UBE3B: variants seen among roughly 807,000 people sequenced by gnomAD.
UBE3B encodes ubiquitin protein ligase E3B, also known as ubiquitin-protein ligase E3B.
UBE3B carries 80 observed loss-of-function variants against 132.3 expected under a neutral mutation model. That is an observed-to-expected ratio of 0.60 (90% CI 0.50 to 0.73). The LOEUF (loss-of-function observed/expected upper bound fraction) is 0.73, where lower values mean the gene tolerates loss of function less well. Among genes scored for constraint, UBE3B ranks in the 30% least tolerant of loss-of-function variants. The pLI, the probability that UBE3B is intolerant of heterozygous loss-of-function variation, is 0.00. For synonymous variants in UBE3B, 487 were observed against 520.4 expected (o/e 0.94, Z 0.87); for missense variants, 1,196 against 1,362.5 (o/e 0.88, Z 1.92).
rs942309281 is a variant in UBE3B, at chr12:109,503,174, G to A, written c.1434G>A (p.Arg478=). 6.2e-7 allele frequency: 1 copy of A among 1,614,078 alleles called. No individual in the cohort carries two copies. The highest frequency in any genetic ancestry group is 8.5e-7 in the Non-Finnish European group (1 of 1,179,986). ...CGCTGACAACTCTCACACAGATTCG[G>A]CTGCAGATACTCACAGGTTCGCAGT... ...QTSLTTLTQI[R]LQILTGLTYL... is the part of the protein sequence containing the mutation. Residue 478 remains arginine (R), a synonymous_variant, in exon 14 of 28, where the codon CGG becomes CGA. Coordinates refer to ENST00000342494, the MANE Select transcript of UBE3B (RefSeq NM_130466.4).
the UBE3B span, among the ~76,000 whole-genome samples, chr12:109,547,341 T>G: frequency 6.6e-6 from 1 of 152,354 alleles, no homozygotes; most frequent in South Asian, 2.1e-4. This position sits in a 1 kb window ranked among gnomAD's most constrained non-coding sequence, Gnocchi z 4.1. Flanking sequence ...ATGATCACTC[T>G]TCCCTGGTTG....
intron 2 of UBE3B, among the ~76,000 whole-genome samples, chr12:109,482,776 A>G (rs1049099039): frequency 6.6e-6 from 1 of 152,226 alleles, no homozygotes; most frequent in Non-Finnish European, 1.5e-5. Context: ...CTTAGTATAT[A>G]ATTTAGAGCT....
rs1421376045 is a variant in UBE3B, at chr12:109,522,772, T to C, written c.2365-1206T>C. ...CATCTGAGCCCCTGCCCAAACACCA[T>C]CCAGTCTTCCTTGTGCCCTCCAGTG... On this transcript the variant is annotated intron_variant, in intron 21 of 27. Transcript: ENST00000342494. This position sits in a 1 kb window ranked among gnomAD's most constrained non-coding sequence, Gnocchi z 4.2. 6.6e-6 allele frequency among the ~76,000 whole-genome samples: 1 copy of C among 152,184 alleles called. No homozygotes were observed. Among genetic ancestry groups the C allele is most frequent in the Admixed American group, 6.5e-5 (1 of 15,284 alleles).
At chr12:109,508,936 C>T (rs1018242519) in intron 15 of UBE3B, 4 of 180,336 alleles carry the variant, frequency 2.2e-5, no homozygotes, top group African/African-American at 9.5e-5. Context: ...GACTCTCAGT[C>T]AATGTTCCTT....
intron 7 of UBE3B, among the ~76,000 whole-genome samples, chr12:109,489,550 C>A (rs1011207552): frequency 1.3e-5 from 2 of 152,184 alleles, no homozygotes; most frequent in African/African-American, 4.8e-5. Flanking sequence ...AGTTCTGGGC[C>A]CTGCTGGGAA....
intron 9 of UBE3B, chr12:109,492,583 A>G (rs1168457632): frequency 2.0e-5 from 3 of 152,190 alleles, no homozygotes; most frequent in Non-Finnish European, 4.4e-5. Context: ...TCTCTACAAA[A>G]AATACAAACA....
At chr12:109,516,418 C>A (rs1218849772) in intron 18 of UBE3B, among the ~76,000 whole-genome samples, 1 of 152,094 alleles carries the variant, frequency 6.6e-6, no homozygotes, top group Non-Finnish European at 1.5e-5. Context: ...CTCAGGTAAT[C>A]CGCCCACCTG....
Position 109,503,093 on chromosome 12 carries a change from G to C in UBE3B, c.1353G>C (p.Arg451=), listed in dbSNP as rs928551282. Residue 451 remains arginine, a synonymous_variant, in exon 14 of 28, where the codon CGG becomes CGC. Transcript: ENST00000342494. The stretch of plus-strand genomic sequence containing the variant: ...TTCTCAGGCCTGTCGGGGGTAAACG[G>C]GTCGACTCTGCAGAAGTCCAGAAGG... ...RNILRPVGGK[R]VDSAEVQKVC... 8.7e-6 allele frequency: 14 copies of C among 1,614,050 alleles called. No individual in the cohort carries two copies. The Admixed American group carries it at 2.2e-4, about 25-fold the overall frequency.
chr12:109,481,825 A>C (rs1378496493), intron 2 of UBE3B, 83 bp downstream of exon 2: 1 of 152,230 alleles, frequency 6.6e-6, no homozygotes, highest in Non-Finnish European at 1.5e-5. Context: ...AGCCTTTTAT[A>C]AGTTGGTGCA....
At chr12:109,498,144 C>A in intron 10 of UBE3B, 89 bp from the exon 11 acceptor site, 3 of 1,555,714 alleles carry the variant, frequency 1.9e-6, no homozygotes, top group African/African-American at 1.4e-5. Flanking sequence ...TCCTCCATAA[C>A]CACGGGTGAT....
At chr12:109,541,143 T>G (rs933882711), downstream of UBE3B, among the ~76,000 whole-genome samples, 1 of 152,220 alleles carries the variant, frequency 6.6e-6, no homozygotes, top group African/African-American at 2.4e-5. Flanking sequence ...TGCCTGCGGC[T>G]GAGTGGCCTT....
chr12:109,544,663 T>C, the UBE3B span, among the ~76,000 whole-genome samples: 4 of 152,126 alleles, frequency 2.6e-5, no homozygotes, highest in African/African-American at 9.7e-5. Context: ...ACATCGGGAC[T>C]CTTGGGTGTC....
At chr12:109,516,397 G>A (rs1443507925) in intron 18 of UBE3B, among the ~76,000 whole-genome samples, 1 of 151,948 alleles carries the variant, frequency 6.6e-6, no homozygotes, top group Non-Finnish European at 1.5e-5. Context: ...GGCTGGTTTT[G>A]AACTCCCGAC....
At chr12:109,519,350 T>C (rs1881433579) in intron 19 of UBE3B, among the ~76,000 whole-genome samples, 1 of 152,232 alleles carries the variant, frequency 6.6e-6, no homozygotes, top group African/African-American at 2.4e-5. Context: ...AATCCTCGCA[T>C]ATCCACGCCA....
chr12:109,524,598 C>A, intron 23 of UBE3B, 95 bp downstream of exon 23: 1 of 1,371,718 alleles, frequency 7.3e-7, no homozygotes. Flanking sequence ...GAGCCCCAAG[C>A]TGAGGCTCTG....
At position 109,521,560 on chromosome 12, in the gene UBE3B, G is replaced by A. The variant is rs544391829; in HGVS notation, c.2364+9G>A. The stretch of plus-strand genomic sequence containing the variant: ...GGAAGGCTGTGTATGAGGTAGGAAC[G>A]TTAAGAAACAGAGAAATGTAAAATA... On this transcript the variant is annotated intron_variant, in intron 21 of 27. Transcript: ENST00000342494. This position sits in a 1 kb window ranked among gnomAD's most constrained non-coding sequence, Gnocchi z 4.2. The A allele has an allele frequency of 1.2e-3, 1,841 of 1,545,290 alleles. 2 individuals are homozygous for A. Among genetic ancestry groups the A allele is most frequent in the South Asian group, 1.4e-3 (114 of 81,370 alleles).
At chr12:109,532,288 C>T (rs1371875817) in intron 26 of UBE3B, among the ~76,000 whole-genome samples, 5 of 152,130 alleles carry the variant, frequency 3.3e-5, no homozygotes, top group Admixed American at 6.5e-5. Flanking sequence ...AGGGAATGCT[C>T]GTCACAGTGT....
At chr12:109,490,352 A>G in intron 8 of UBE3B, 2 of 1,459,540 alleles carry the variant, frequency 1.4e-6, no homozygotes, top group Non-Finnish European at 1.8e-6. Flanking sequence ...GTCCTCAAAC[A>G]GCCCTTTCCA....
rs1341906595 is a variant in UBE3B, at chr12:109,498,336, A to G, written c.923A>G (p.His308Arg). ...GTATGTGAAAGTTTAGAAGGATGCCATACGCTTTGTCTAATGGGTAAGTAT... is the reference window on the plus strand; with the variant it reads ...GTATGTGAAAGTTTAGAAGGATGCCGTACGCTTTGTCTAATGGGTAAGTAT... Reference protein sequence around the residue: ...RDVCESLEGCHTLCLMGNLLH... With the variant: ...RDVCESLEGCRTLCLMGNLLH... Residue 308 changes from histidine (H) to arginine (R), a missense_variant, in exon 11 of 28, where the codon CAT (histidine) becomes CGT (arginine). Physicochemically the swap from His to Arg is conservative, Grantham distance 29 (BLOSUM62 0). Transcript: ENST00000342494. The G allele has an allele frequency of 6.2e-7, 1 of 1,614,082 alleles. No homozygotes were observed. Among genetic ancestry groups the G allele is most frequent in the East Asian group, 2.2e-5 (1 of 44,872 alleles).
Sources: allele counts gnomAD v4.1 joint callset (sites outside exome capture counted in the v4.1 genomes callset), GRCh38; gene constraint gnomAD v4.1.1; non-coding constraint Gnocchi (gnomAD v3.1); transcripts MANE v1.5; gene names NCBI Gene and HGNC (gene_info 2026-07-23, HGNC 2026-07-21).